The following PCDHGA11 variants were observed in gnomAD, a reference collection of about 807,000 sequenced individuals.
PCDHGA11 encodes the protein protocadherin gamma-A11.
A neutral mutation model predicts 60.4 loss-of-function variants in PCDHGA11; 39 were observed. The observed-to-expected ratio is 0.65, with a 90% CI of 0.50 to 0.84. PCDHGA11 has a LOEUF of 0.84. Among genes scored for constraint, PCDHGA11 ranks in the 40% least tolerant of loss-of-function variants. The pLI is 0.00. For missense variants in PCDHGA11, 1,165 were observed against 1,197.7 expected (o/e 0.97, Z 0.40); for synonymous variants, 533 against 510.3 (o/e 1.04, Z -0.60).
Position 141,422,001 on chromosome 5 carries a change from C to T in PCDHGA11, c.774C>T (p.Ser258=), listed in dbSNP as rs2096616874. 6.2e-7 allele frequency: 1 copy of T among 1,609,114 alleles called. No homozygotes were observed. The highest frequency in any genetic ancestry group is 8.5e-7 in the Non-Finnish European group (1 of 1,177,886). The change falls in exon 1 of 4, where the codon TCC becomes TCT. Residue 258 remains serine (S), a synonymous_variant. Transcript: ENST00000398587. ...TGAGTGTTCCAGAAAACATCAGCTC[C>T]GGAACTCGGGTGCTGATGGTTAATG... ...YRVSVPENIS[S]GTRVLMVNAT...
At chr5:141,441,831 C>T in intron 1 of PCDHGA11, 3 of 352,742 alleles carry the variant, frequency 8.5e-6, no homozygotes, top group South Asian at 7.2e-5. Context: ...AGCGCAATGG[C>T]TTCGCGCTCT....
In PCDHGA11 at chr5:141,462,600, A is replaced by G. The variant is rs2154567827; in HGVS notation, c.2434-32207A>G. ...ATCCAGTGAAGTTTCCATTTCATAT[A>G]TTGTATTTTTCACTTTTAGAAGTTC... is the stretch of plus-strand genomic sequence containing the variant. On this transcript the variant is annotated intron_variant, in intron 1 of 3. Coordinates refer to ENST00000398587, the MANE Select transcript of PCDHGA11 (RefSeq NM_018914.3). Among the ~76,000 whole-genome samples, 6 of 152,076 alleles carry G rather than the reference A, an allele frequency of 3.9e-5. No homozygotes were observed. In the Middle Eastern group the frequency reaches 0.014, roughly 345 times the overall value.
At position 141,486,190 on chromosome 5, in the gene PCDHGA11, T is replaced by A; in HGVS notation, c.2434-8617T>A. Reference sequence around the variant, plus strand: ...AGCAACATTGCAGCCTTCGAGTGGATCTGCTGGACGTAAATGACAATGCCC... The same window carrying A: ...AGCAACATTGCAGCCTTCGAGTGGAACTGCTGGACGTAAATGACAATGCCC... On this transcript the variant is annotated intron_variant, in intron 1 of 3. Transcript: ENST00000398587. The surrounding 1 kb of genome is among the most constrained non-coding windows in gnomAD (Gnocchi z 5.0). 1 of 1,614,122 alleles carries A rather than the reference T, an allele frequency of 6.2e-7. No individual in the cohort carries two copies. Among genetic ancestry groups the A allele is most frequent in the South Asian group, 1.1e-5 (1 of 91,070 alleles).
At chr5:141,441,730 A>T in intron 1 of PCDHGA11, 1 of 362,750 alleles carries the variant, frequency 2.8e-6, no homozygotes, top group South Asian at 2.2e-5. Context: ...CGCGACCAGG[A>T]CTAGCTCGCG....
chr5:141,421,934 T>C lies in PCDHGA11; in HGVS notation c.707T>C (p.Val236Ala), dbSNP rs1478005202. The C allele has an allele frequency of 6.2e-7, 1 of 1,613,548 alleles. No homozygotes were observed. Among genetic ancestry groups the C allele is most frequent in the Admixed American group, 1.7e-5 (1 of 60,004 alleles). ...AVPIRVVVLD[V>A]NDHIPMFTQS... is the part of the protein sequence containing the mutation. The stretch of plus-strand genomic sequence containing the variant: ...CCCATTCGTGTGGTGGTCCTCGATG[T>C]AAATGATCACATCCCAATGTTTACA... Residue 236 changes from valine to alanine, a missense_variant, in exon 1 of 4, where the codon GTA becomes GCA. Transcript: ENST00000398587.
rs538105673 is a variant in PCDHGA11, at chr5:141,427,796, C to T, written c.2433+4136C>T. On this transcript the variant is annotated intron_variant, in intron 1 of 3. Transcript: ENST00000398587. Reference sequence around the variant, plus strand: ...TGCGGGCACTGTCGTCCTACGTGTCCGTGAGCGCACAGAGCGGGGTGGTGG... The same window carrying T: ...TGCGGGCACTGTCGTCCTACGTGTCTGTGAGCGCACAGAGCGGGGTGGTGG... The T allele has an allele frequency of 3.6e-4, 547 of 1,502,104 alleles. 5 individuals carry two copies. In the South Asian group the frequency reaches 5.9e-3, roughly 16 times the overall value. The allele number at this position is 1,502,104 out of a possible 1,614,324, so 93.0% of individuals were successfully genotyped here.
rs1395688351 is a variant in PCDHGA11 at position 141,485,907 on chromosome 5, C to A, written c.2434-8900C>A. On this transcript the variant is annotated intron_variant, in intron 1 of 3. Coordinates refer to ENST00000398587, the MANE Select transcript of PCDHGA11 (RefSeq NM_018914.3). The surrounding 1 kb of genome is among the most constrained non-coding windows in gnomAD (Gnocchi z 5.7). ...GACAACGCCCCAGCCTTCCAGCAAT[C>A]CAGCTACAGGATTAGTGTGTTGGAG... is the stretch of plus-strand genomic sequence containing the variant. 6.2e-7 allele frequency: 1 copy of A among 1,614,176 alleles called. No homozygotes were observed.
At chr5:141,467,455 GCTAGTA>G (rs2099144342) in intron 1 of PCDHGA11, among the ~76,000 whole-genome samples, 1 of 152,192 alleles carries the variant, frequency 6.6e-6, no homozygotes, top group African/African-American at 2.4e-5. Context: ...TTCTTCCAGT[GCTAGTA>G]CTTGCATGGT....
chr5:141,496,621 C>A (rs1297797187), intron 2 of PCDHGA11, among the ~76,000 whole-genome samples: 1 of 152,214 alleles, frequency 6.6e-6, no homozygotes. Context: ...AGCAGCAGAT[C>A]AAAAGGCTTG....
At chr5:141,492,952 C>T (rs1428667098) in intron 1 of PCDHGA11, among the ~76,000 whole-genome samples, 1 of 152,242 alleles carries the variant, frequency 6.6e-6, no homozygotes, top group Non-Finnish European at 1.5e-5. Context: ...GGTGACCAAA[C>T]TATCTGACAC....
chr5:141,458,421 G>T (rs1294502132), intron 1 of PCDHGA11, among the ~76,000 whole-genome samples: 1 of 152,114 alleles, frequency 6.6e-6, no homozygotes, highest in African/African-American at 2.4e-5. Context: ...GGGTTCCAAA[G>T]CTGAAAGAGG....
At position 141,487,943 on chromosome 5, in the gene PCDHGA11, A is replaced by C. The variant is rs2099669443; in HGVS notation, c.2434-6864A>C. ...TACAGTGCACAGGGTACAGTGCACCAGGCAGTCACTTGGACAAAGGTGGCT... is the reference window on the plus strand; with the variant it reads ...TACAGTGCACAGGGTACAGTGCACCCGGCAGTCACTTGGACAAAGGTGGCT... On this transcript the variant is annotated intron_variant, in intron 1 of 3. Coordinates refer to ENST00000398587, the MANE Select transcript of PCDHGA11 (RefSeq NM_018914.3). The surrounding 1 kb of genome is among the most constrained non-coding windows in gnomAD (Gnocchi z 5.0). Among the ~76,000 whole-genome samples, 1 of 152,220 alleles carries C rather than the reference A, an allele frequency of 6.6e-6. No homozygotes were observed.
chr5:141,495,041 G>A, intron 2 of PCDHGA11, 176 bp downstream of exon 2: 1 of 942,350 alleles, frequency 1.1e-6, no homozygotes, highest in Non-Finnish European at 1.3e-6. Flanking sequence ...AGGAAGAGGC[G>A]ACTGCCCTGA....
chr5:141,433,047 C>T (rs1561867159), intron 1 of PCDHGA11: 1 of 1,614,046 alleles, frequency 6.2e-7, no homozygotes, highest in African/African-American at 1.3e-5. Flanking sequence ...ACCACGGACT[C>T]GCGGAAGAGT....
At chr5:141,496,236 C>T (rs1290509264) in intron 2 of PCDHGA11, among the ~76,000 whole-genome samples, 7 of 152,138 alleles carry the variant, frequency 4.6e-5, no homozygotes, top group Middle Eastern at 3.2e-3. Flanking sequence ...GAACCCCCTG[C>T]GGGCTGAAGG....
At chr5:141,451,610 G>T (rs184745360) in intron 1 of PCDHGA11, among the ~76,000 whole-genome samples, 60 of 152,298 alleles carry the variant, frequency 3.9e-4, no homozygotes, top group African/African-American at 1.3e-3. Context: ...GGCTAGGCAT[G>T]GTGGCTCAAA....
chr5:141,445,433 C>A (rs2098466883), intron 1 of PCDHGA11, among the ~76,000 whole-genome samples: 1 of 152,136 alleles, frequency 6.6e-6, no homozygotes, highest in Non-Finnish European at 1.5e-5. Flanking sequence ...AAGGCACTGA[C>A]CTATGGACTA....
At position 141,421,364 on chromosome 5, in the gene PCDHGA11, T is replaced by C. The variant is rs975166167; in HGVS notation, c.137T>C (p.Val46Ala). 3.7e-6 allele frequency: 6 copies of C among 1,613,994 alleles called. No homozygotes were observed. Among genetic ancestry groups the C allele is most frequent in the African/African-American group, 1.3e-5 (1 of 75,062 alleles). ...GAAGAGACCGAAAAGGGCTCCTTCG[T>C]GGGCAATATCTCCAAGGACCTGGGG... The part of the protein sequence containing the change: ...VPEETEKGSF[V>A]GNISKDLGLE... Residue 46 changes from valine (V) to alanine (A), a missense_variant, in exon 1 of 4, where the codon GTG becomes GCG. By Grantham distance (64) the Val-to-Ala change is moderately conservative (BLOSUM62 0). Transcript: ENST00000398587.
chr5:141,427,638 C>A, intron 1 of PCDHGA11: 1 of 708,528 alleles, frequency 1.4e-6, no homozygotes, highest in East Asian at 2.7e-5. Context: ...GGTTTTCCAC[C>A]AAGTCTCCTA....
Sources: gnomAD v4.1 joint callset for allele counts (sites outside exome capture counted in the v4.1 genomes callset) on GRCh38, gnomAD v4.1.1 for gene constraint, Gnocchi (gnomAD v3.1) non-coding constraint, MANE v1.5 for transcripts, NCBI Gene and HGNC (gene_info 2026-07-23, HGNC 2026-07-21) for gene names.